Variants in MTMR3 observed in about 807,000 individuals in gnomAD.
MTMR3 encodes the protein phosphatidylinositol-3,5-bisphosphate 3-phosphatase MTMR3.
MTMR3 carries 32 observed loss-of-function variants against 132.4 expected under a neutral mutation model. The ratio of observed to expected loss-of-function variants is 0.24; its 90% confidence interval spans 0.18 to 0.32. MTMR3 has a LOEUF of 0.32. MTMR3 is among the 10% of genes least tolerant of loss of function. The pLI is 1.00. For missense variants in MTMR3, 1,216 were observed against 1,489.6 expected, an observed-to-expected ratio of 0.82 and a Z score of 3.02; for synonymous variants, 556 against 550.3, an observed-to-expected ratio of 1.01 and a Z score of -0.14.
chr22:29,980,166 C>CTG (rs34482486), intron 5 of MTMR3: 118,866 of 151,768 alleles, frequency 0.78, 46,969 homozygotes, highest in East Asian at 0.91. Context: ...TCTTTGAAAT[C>CTG]TTGTTCATTC....
intron 1 of MTMR3, among the ~76,000 whole-genome samples, chr22:29,949,754 G>A (rs763168909): frequency 5.3e-5 from 8 of 152,068 alleles, no homozygotes; most frequent in Non-Finnish European, 8.8e-5. Context: ...TTTATTCTTT[G>A]ATTGGTATGA....
chr22:29,987,646 G>C (rs1239982091), intron 5 of MTMR3: 1 of 152,150 alleles, frequency 6.6e-6, no homozygotes, highest in African/African-American at 2.4e-5. Flanking sequence ...TGAAGATTTG[G>C]CACCCTGTCT....
chr22:29,929,396 A>G (rs1334535420), intron 1 of MTMR3, among the ~76,000 whole-genome samples: 6 of 152,024 alleles, frequency 3.9e-5, no homozygotes, highest in Non-Finnish European at 1.5e-5. Flanking sequence ...TATTGTTTTA[A>G]TTTTCATTTT....
At chr22:29,901,332 T>C (rs562999446) in intron 1 of MTMR3, among the ~76,000 whole-genome samples, 31 of 151,538 alleles carry the variant, frequency 2.0e-4, no homozygotes, top group African/African-American at 7.6e-4. Flanking sequence ...AGGCGAAATG[T>C]TAATGGAAGG....
intron 1 of MTMR3, among the ~76,000 whole-genome samples, chr22:29,927,050 G>C (rs964323534): frequency 6.6e-6 from 1 of 152,134 alleles, no homozygotes; most frequent in Non-Finnish European, 1.5e-5. Flanking sequence ...TTCTTTGGTA[G>C]ATGGATATTC....
At chr22:29,991,695 T>C (rs2066963327) in intron 7 of MTMR3, 25 bp downstream of exon 7, 2 of 1,554,066 alleles carry the variant, frequency 1.3e-6, no homozygotes, top group African/African-American at 2.8e-5. Flanking sequence ...AATGTGCAAA[T>C]GGCCAGGGGC....
chr22:29,964,632 A>G (rs1019240030), intron 2 of MTMR3, among the ~76,000 whole-genome samples: 2 of 152,200 alleles, frequency 1.3e-5, no homozygotes, highest in Non-Finnish European at 2.9e-5. Context: ...GTTACACACC[A>G]GGATATCTTT....
chr22:29,975,684 G>A (rs775907707), intron 3 of MTMR3, among the ~76,000 whole-genome samples: 2 of 152,146 alleles, frequency 1.3e-5, no homozygotes, highest in Non-Finnish European at 2.9e-5. Flanking sequence ...CACTGTAGCC[G>A]CTACAGTGCA....
chr22:30,007,731 G>A, intron 10 of MTMR3, 170 bp from the exon 11 acceptor site: 2 of 747,110 alleles, frequency 2.7e-6, no homozygotes, highest in Non-Finnish European at 2.1e-6. Context: ...TCTTTCATAA[G>A]AAGGCCACAT....
rs1014697098 is a variant in MTMR3 at position 30,029,373 on chromosome 22, T to A, written c.*3572T>A. 1.3e-5 allele frequency: 2 copies of A among 152,336 alleles called. No homozygotes were observed. Among genetic ancestry groups the A allele is most frequent in the African/African-American group, 4.8e-5 (2 of 41,452 alleles). 9.4% of individuals were successfully genotyped at this position (152,336 alleles called of 1,614,324 possible). On this transcript the variant is annotated 3_prime_UTR_variant, in exon 20 of 20. Coordinates refer to ENST00000401950, the MANE Select transcript of MTMR3 (RefSeq NM_021090.4). Reference sequence around the variant, plus strand: ...TCTCTATGAGGATGTACAGAAAAGTTTTCCTGTAATAATTTTGCTTATATG... The same window carrying A: ...TCTCTATGAGGATGTACAGAAAAGTATTCCTGTAATAATTTTGCTTATATG...
At position 30,030,638 on chromosome 22, in the gene MTMR3, C is replaced by CA. The variant is rs777494343; in HGVS notation, c.*4837_*4838insA. The CA allele has an allele frequency of 5.9e-5, 3 of 50,492 alleles. No individual in the cohort carries two copies. Among genetic ancestry groups the CA allele is most frequent in the African/African-American group, 2.3e-4 (3 of 13,118 alleles). 3.1% of individuals were successfully genotyped at this position (50,492 alleles called of 1,614,324 possible). A position where few individuals can be genotyped will look rare whatever the true frequency, so the allele number is the denominator to read the frequency against. On this transcript the variant is annotated 3_prime_UTR_variant, in exon 20 of 20. Coordinates refer to ENST00000401950, the MANE Select transcript of MTMR3 (RefSeq NM_021090.4). ...AGAGGGGCTCTCAGCGAGGAGGGGGCGGGGGGGGGGTCACTATTTATCTTC... is the reference window on the plus strand; with the variant it reads ...AGAGGGGCTCTCAGCGAGGAGGGGGCAGGGGGGGGGGTCACTATTTATCTTC...
chr22:29,890,493 G>A (rs536982564), intron 1 of MTMR3, among the ~76,000 whole-genome samples: 3 of 152,118 alleles, frequency 2.0e-5, no homozygotes, highest in South Asian at 2.1e-4. Context: ...ACTCTAGCCT[G>A]GGCCACAGAG....
chr22:29,895,764 G>A (rs2064881217), intron 1 of MTMR3, among the ~76,000 whole-genome samples: 1 of 152,064 alleles, frequency 6.6e-6, no homozygotes, highest in African/African-American at 2.4e-5. Flanking sequence ...CAGACCAGGA[G>A]CAGACCGCCA....
intron 12 of MTMR3, chr22:30,010,573 A>G (rs553533767): frequency 1.4e-4 from 21 of 152,334 alleles, no homozygotes; most frequent in African/African-American, 5.1e-4. Flanking sequence ...TGAGAACAGG[A>G]CAAGGGAATG....
chr22:30,003,580 A>G (rs1051045054), intron 9 of MTMR3: 2 of 152,276 alleles, frequency 1.3e-5, no homozygotes, highest in Non-Finnish European at 2.9e-5. Flanking sequence ...GAATTCAGGT[A>G]TATTCTTAGA....
At chr22:29,928,518 A>G (rs1255161739) in intron 1 of MTMR3, among the ~76,000 whole-genome samples, 1 of 151,910 alleles carries the variant, frequency 6.6e-6, no homozygotes, top group Non-Finnish European at 1.5e-5. Context: ...TTATGTATGT[A>G]TGTACCACCA....
At chr22:30,006,042 C>G (rs1016750290) in intron 9 of MTMR3, 3 of 152,174 alleles carry the variant, frequency 2.0e-5, no homozygotes, top group Non-Finnish European at 2.9e-5. Flanking sequence ...CAATAAGTTG[C>G]CTTTTGTGAC....
intron 11 of MTMR3, chr22:30,008,623 T>C (rs1181460325): frequency 5.8e-6 from 1 of 171,098 alleles, no homozygotes; most frequent in Non-Finnish European, 1.2e-5. Flanking sequence ...TGAAAGCAGC[T>C]GTACCAAGGT....
chr22:30,008,900 C>A, intron 11 of MTMR3, 118 bp from the exon 12 acceptor site: 2 of 666,378 alleles, frequency 3.0e-6, no homozygotes, highest in Non-Finnish European at 2.7e-6. Context: ...CAAAACATTT[C>A]AGTTTCGTTA....
Sources: allele counts gnomAD v4.1 joint callset (sites outside exome capture counted in the v4.1 genomes callset), GRCh38; gene constraint gnomAD v4.1.1; transcripts MANE v1.5; gene names NCBI Gene and HGNC (gene_info 2026-07-23, HGNC 2026-07-21).